CUX2: variants seen among roughly 807,000 people sequenced by gnomAD.
CUX2 encodes cut like homeobox 2, also known as homeobox protein cut-like 2.
CUX2 carries 40 observed loss-of-function variants against 144.8 expected under a neutral mutation model. The observed-to-expected ratio is 0.28, with a 90% CI of 0.21 to 0.36. CUX2 has a LOEUF of 0.36. Ranked by LOEUF, CUX2 falls within the 10% of genes least tolerant of loss-of-function variation. The probability of loss-of-function intolerance (pLI) is 1.00; values close to 1 mark genes in which losing one functional copy is unlikely to be tolerated. For synonymous variants in CUX2, 827 were observed against 875.6 expected (o/e 0.94, Z 0.98); for missense variants, 1,615 against 1,994.0 (o/e 0.81, Z 3.62).
At chr12:111,202,853 ATAAGAGC>A (rs1195410441) in intron 1 of CUX2, among the ~76,000 whole-genome samples, 1 of 152,134 alleles carries the variant, frequency 6.6e-6, no homozygotes, top group East Asian at 1.9e-4. Context: ...AGAAGGTGGT[ATAAGAGC>A]TAAGCCTCCG....
chr12:111,284,749 T>TAATCAAACCTCTGCTCA (rs1477028757), intron 4 of CUX2, among the ~76,000 whole-genome samples: 3 of 152,234 alleles, frequency 2.0e-5, no homozygotes, highest in African/African-American at 7.2e-5. Flanking sequence ...GCTCTCGCTC[T>TAATCAAACCTCTGCTCA]AATCAAACCT....
chr12:111,134,026 G>A (rs772601613), intron 1 of CUX2, among the ~76,000 whole-genome samples: 1 of 152,170 alleles, frequency 6.6e-6, no homozygotes, highest in Non-Finnish European at 1.5e-5. Flanking sequence ...TTGTAATTCA[G>A]CCAGTCACAG....
chr12:111,220,405 C>T (rs1881782262), intron 3 of CUX2, among the ~76,000 whole-genome samples: 1 of 151,780 alleles, frequency 6.6e-6, no homozygotes, highest in Admixed American at 6.6e-5. Context: ...GTGGGTATGA[C>T]TTATGTTATC....
At chr12:111,317,527 C>T (rs1293339783) in intron 16 of CUX2, among the ~76,000 whole-genome samples, 1 of 152,076 alleles carries the variant, frequency 6.6e-6, no homozygotes, top group Non-Finnish European at 1.5e-5. Context: ...TTAGAAAATT[C>T]CCAATAACTG....
intron 1 of CUX2, among the ~76,000 whole-genome samples, chr12:111,048,798 G>T (rs1229158532): frequency 1.3e-5 from 2 of 152,296 alleles, no homozygotes; most frequent in East Asian, 3.9e-4. Flanking sequence ...GATGCTGTTA[G>T]GTGTAAGAGA....
chr12:111,229,190 G>A (rs758987210), intron 3 of CUX2, among the ~76,000 whole-genome samples: 2 of 152,208 alleles, frequency 1.3e-5, no homozygotes, highest in Non-Finnish European at 2.9e-5. Context: ...CTCCACAAAG[G>A]CAAAGTACAG....
intron 19 of CUX2, among the ~76,000 whole-genome samples, chr12:111,336,424 TTGTGTG>T (rs57009074): frequency 0.051 from 7,517 of 146,070 alleles, 366 homozygotes; most frequent in African/African-American, 0.12. Context: ...CACTTCAGTG[TTGTGTG>T]TGTGTGTGTG....
At chr12:111,043,685 C>G (rs1292484001) in intron 1 of CUX2, among the ~76,000 whole-genome samples, 1 of 151,856 alleles carries the variant, frequency 6.6e-6, no homozygotes, top group African/African-American at 2.4e-5. Context: ...CGGTGGCTCA[C>G]GCCTGTAATC....
intron 1 of CUX2, among the ~76,000 whole-genome samples, chr12:111,053,587 AT>A (rs1371861505): frequency 3.3e-5 from 5 of 152,034 alleles, no homozygotes; most frequent in Non-Finnish European, 7.4e-5. Context: ...CCAGCATTGC[AT>A]TTTCTGTTTC....
chr12:111,259,031 CTGTGTGTGTGTGTGTG>C (rs57814010), intron 3 of CUX2, among the ~76,000 whole-genome samples: 6 of 132,218 alleles, frequency 4.5e-5, no homozygotes, highest in African/African-American at 1.4e-4. Flanking sequence ...CCACACCCAG[CTGTGTGTGTGTGTGTG>C]TGTGTGTGTG....
intron 1 of CUX2, among the ~76,000 whole-genome samples, chr12:111,137,159 A>G (rs1357170890): frequency 6.7e-6 from 1 of 150,100 alleles, no homozygotes; most frequent in Non-Finnish European, 1.5e-5. Flanking sequence ...GCCTCAAACT[A>G]CTGAGCTCAA....
At chr12:111,327,778 T>C (rs1887887064) in intron 18 of CUX2, among the ~76,000 whole-genome samples, 1 of 152,120 alleles carries the variant, frequency 6.6e-6, no homozygotes, top group Admixed American at 6.6e-5. Flanking sequence ...AAGCCAAGGC[T>C]AGGCACAGTG....
In CUX2 at chr12:111,295,119, A is replaced by G. The variant is rs1885903135; in HGVS notation, c.561-214A>G. 6.6e-6 allele frequency among the ~76,000 whole-genome samples: 1 copy of G among 152,232 alleles called. No individual in the cohort carries two copies. Among genetic ancestry groups the G allele is most frequent in the African/African-American group, 2.4e-5 (1 of 41,466 alleles). ...ATTTTGCCCCTAAAAATCCTGGCAGAAACTAACAGGAGCAGCCATGACAGG... is the reference window on the plus strand; with the variant it reads ...ATTTTGCCCCTAAAAATCCTGGCAGGAACTAACAGGAGCAGCCATGACAGG... On this transcript the variant is annotated intron_variant, in intron 6 of 21. Coordinates refer to ENST00000261726, the MANE Select transcript of CUX2 (RefSeq NM_015267.4). The surrounding 1 kb of genome is among the most constrained non-coding windows in gnomAD (Gnocchi z 5.0).
At chr12:111,324,137 T>A (rs1887663324) in intron 18 of CUX2, among the ~76,000 whole-genome samples, 1 of 151,708 alleles carries the variant, frequency 6.6e-6, no homozygotes, top group African/African-American at 2.4e-5. Flanking sequence ...GATCACAAAG[T>A]CAGGAGTTCG....
intron 4 of CUX2, among the ~76,000 whole-genome samples, chr12:111,267,978 G>A (rs1412301597): frequency 3.3e-5 from 5 of 151,936 alleles, no homozygotes; most frequent in African/African-American, 1.2e-4. Context: ...TTTATTTTTT[G>A]TAGTCCCAAA....
At chr12:111,157,660 C>T (rs1877482183) in intron 1 of CUX2, among the ~76,000 whole-genome samples, 1 of 152,164 alleles carries the variant, frequency 6.6e-6, no homozygotes, top group Non-Finnish European at 1.5e-5. Flanking sequence ...TGGATTGCAG[C>T]ATAGGAGTTG....
At chr12:111,345,231 C>T (rs1411059845) in intron 21 of CUX2, among the ~76,000 whole-genome samples, 2 of 151,302 alleles carry the variant, frequency 1.3e-5, no homozygotes, top group African/African-American at 2.4e-5. Context: ...AGGCAGATCA[C>T]GAAGTCAAGA....
chr12:111,334,948 C>A (rs1413254047), intron 19 of CUX2, among the ~76,000 whole-genome samples: 1 of 152,192 alleles, frequency 6.6e-6, no homozygotes, highest in East Asian at 1.9e-4. Context: ...TGCATACAAA[C>A]TTCACACGTG....
intron 1 of CUX2, among the ~76,000 whole-genome samples, chr12:111,075,203 CT>C (rs749367419): frequency 1.6e-4 from 24 of 152,118 alleles, no homozygotes; most frequent in Non-Finnish European, 2.6e-4. Context: ...CCAGGCACCC[CT>C]GGAGCCGTCA....
Sources: gnomAD v4.1 joint callset for allele counts (sites outside exome capture counted in the v4.1 genomes callset) on GRCh38, gnomAD v4.1.1 for gene constraint, Gnocchi (gnomAD v3.1) non-coding constraint, MANE v1.5 for transcripts, NCBI Gene and HGNC (gene_info 2026-07-23, HGNC 2026-07-21) for gene names.